Variants in ANK3 observed in about 807,000 individuals in gnomAD.
ANK3 encodes ankyrin-3.
Under a neutral mutation model 370.9 loss-of-function variants are expected in ANK3, and 57 were observed. The ratio of observed to expected loss-of-function variants is 0.15; its 90% confidence interval spans 0.12 to 0.19. ANK3 has a LOEUF of 0.19. ANK3 is among the 10% of genes least tolerant of loss of function. The probability of loss-of-function intolerance (pLI) is 1.00; values close to 1 mark genes in which losing one functional copy is unlikely to be tolerated. For missense variants in ANK3, 4,439 were observed against 5,302.1 expected, an observed-to-expected ratio of 0.84 and a Z score of 5.06; for synonymous variants, 1,929 against 1,946.3, an observed-to-expected ratio of 0.99 and a Z score of 0.23.
rs76361877 is a variant in ANK3 at position 60,388,560 on chromosome 10, G to T, written c.114+865C>A. Among the ~76,000 whole-genome samples the T allele has an allele frequency of 2.6e-3, 403 of 152,178 alleles. 1 individual carries two copies. Among genetic ancestry groups the T allele is most frequent in the African/African-American group, 9.3e-3 (386 of 41,534 alleles). ...ATTATCATGGAGGAAAAGTGCTTTG[G>T]GGTCTTACTCCCAGCTCAGTACCTA... On this transcript the variant is annotated intron_variant, in intron 1 of 43. Coordinates refer to ENST00000280772, the MANE Select transcript of ANK3 (RefSeq NM_020987.5).
chr10:60,169,254 G>T (rs545725027), intron 21 of ANK3, among the ~76,000 whole-genome samples: 1 of 151,674 alleles, frequency 6.6e-6, no homozygotes, highest in Non-Finnish European at 1.5e-5. Flanking sequence ...GGTATGAGAG[G>T]GTATCTCATT....
intron 1 of ANK3, among the ~76,000 whole-genome samples, chr10:60,730,376 T>A (rs2080004633): frequency 6.6e-6 from 1 of 152,152 alleles, no homozygotes; most frequent in Non-Finnish European, 1.5e-5. Context: ...AGGGCTGGTC[T>A]CGAACTCCTG....
intron 4 of ANK3, among the ~76,000 whole-genome samples, chr10:60,271,897 G>T (rs1212772537): frequency 6.6e-6 from 1 of 150,474 alleles, no homozygotes; most frequent in Non-Finnish European, 1.5e-5. Context: ...AACAAGTTAG[G>T]TGATCTAGTT....
chr10:60,050,701 G>A (rs568134971), intron 42 of ANK3: 1 of 152,140 alleles, frequency 6.6e-6, no homozygotes, highest in African/African-American at 2.4e-5. Context: ...ACTACAAGAA[G>A]CATTCTGTGG....
At chr10:60,479,441 T>C (rs1309007431) in intron 2 of ANK3, among the ~76,000 whole-genome samples, 1 of 152,138 alleles carries the variant, frequency 6.6e-6, no homozygotes, top group Non-Finnish European at 1.5e-5. Flanking sequence ...ATAAGTACAC[T>C]CTGTGATATT....
At chr10:60,475,855 C>T (rs1437503877) in intron 2 of ANK3, among the ~76,000 whole-genome samples, 1 of 152,062 alleles carries the variant, frequency 6.6e-6, no homozygotes, top group Non-Finnish European at 1.5e-5. Flanking sequence ...TCTGAAGCAG[C>T]CAAGATACAC....
intron 25 of ANK3, among the ~76,000 whole-genome samples, chr10:60,126,446 G>A (rs1440346476): frequency 6.6e-6 from 1 of 152,186 alleles, no homozygotes; most frequent in Non-Finnish European, 1.5e-5. Flanking sequence ...AGCACTTTGG[G>A]AGGCAGAGGC....
chr10:60,693,271 C>T (rs924685356), intron 1 of ANK3, among the ~76,000 whole-genome samples: 2 of 152,224 alleles, frequency 1.3e-5, no homozygotes, highest in Non-Finnish European at 2.9e-5. Flanking sequence ...CGGAGTCTCG[C>T]TGATTGCTAG....
chr10:60,271,307 C>T (rs1325207458), intron 4 of ANK3, among the ~76,000 whole-genome samples: 2 of 152,018 alleles, frequency 1.3e-5, no homozygotes, highest in East Asian at 1.9e-4. Context: ...TGGGCTCAAA[C>T]GATCCTTCTG....
chr10:60,075,732 T>C lies in ANK3; in HGVS notation c.5149A>G (p.Asn1717Asp), dbSNP rs764097815. 5 of 1,614,036 alleles carry C rather than the reference T, an allele frequency of 3.1e-6. No homozygotes were observed. The highest frequency in any genetic ancestry group is 4.2e-6 in the Non-Finnish European group (5 of 1,180,012). ...MPGHAEVALV[N>D]GSISPLKYPS... is the part of the protein sequence containing the mutation. ...TATTTTAGAGGGGAAATAGATCCAT[T>C]GACTAATGCTACCTCTGCATGTCCA... Residue 1717 changes from asparagine (N) to aspartate (D), a missense_variant, in exon 37 of 44, where the codon AAT becomes GAT. Asn to Asp is a conservative substitution (Grantham distance 23). Coordinates refer to ENST00000280772, the MANE Select transcript of ANK3 (RefSeq NM_020987.5).
At chr10:60,283,899 A>G (rs1212304632) in intron 1 of ANK3, among the ~76,000 whole-genome samples, 4 of 152,196 alleles carry the variant, frequency 2.6e-5, no homozygotes, top group Non-Finnish European at 5.9e-5. Flanking sequence ...TATTAATTTT[A>G]TAAGTCCTTA....
intron 1 of ANK3, among the ~76,000 whole-genome samples, chr10:60,679,892 T>G (rs1282630931): frequency 6.6e-6 from 1 of 152,004 alleles, no homozygotes. Flanking sequence ...TCCCAGCACT[T>G]TGGGAGGCTG....
chr10:60,284,768 C>T (rs72822218), intron 1 of ANK3, among the ~76,000 whole-genome samples: 2,932 of 152,022 alleles, frequency 0.019, 35 homozygotes, highest in South Asian at 0.035. Context: ...CATAACATAG[C>T]TCTGCTCCTT....
chr10:60,318,171 T>C (rs2047870957), intron 1 of ANK3, among the ~76,000 whole-genome samples: 1 of 152,192 alleles, frequency 6.6e-6, no homozygotes, highest in East Asian at 1.9e-4. Context: ...ATGTGTGCCA[T>C]GGTGGTTTGC....
intron 1 of ANK3, among the ~76,000 whole-genome samples, chr10:60,346,810 T>C (rs1312280983): frequency 6.6e-6 from 1 of 152,050 alleles, no homozygotes; most frequent in African/African-American, 2.4e-5. Flanking sequence ...TACAGACTTA[T>C]TCTTCTGGAA....
chr10:60,421,367 A>G (rs2063775397), intron 2 of ANK3, among the ~76,000 whole-genome samples: 1 of 152,056 alleles, frequency 6.6e-6, no homozygotes, highest in South Asian at 2.1e-4. Context: ...AGTGGAGAAA[A>G]AAGGGAAAGT....
intron 9 of ANK3, among the ~76,000 whole-genome samples, chr10:60,210,037 G>A (rs544022456): frequency 3.3e-5 from 5 of 152,274 alleles, no homozygotes; most frequent in African/African-American, 1.2e-4. Flanking sequence ...TCTTAGCTCA[G>A]TAAGATGAAA....
chr10:60,409,745 G>C (rs1227842266), intron 2 of ANK3, among the ~76,000 whole-genome samples: 3 of 152,032 alleles, frequency 2.0e-5, no homozygotes, highest in African/African-American at 7.2e-5. Flanking sequence ...TCACAGCCTA[G>C]ACCCCTCCTC....
At chr10:60,046,308 T>C (rs2076952551) in intron 42 of ANK3, among the ~76,000 whole-genome samples, 1 of 152,198 alleles carries the variant, frequency 6.6e-6, no homozygotes, top group Non-Finnish European at 1.5e-5. Flanking sequence ...AATGAAAGTT[T>C]TCCTTATAGC....
Sources: allele counts gnomAD v4.1 joint callset (sites outside exome capture counted in the v4.1 genomes callset), GRCh38; gene constraint gnomAD v4.1.1; transcripts MANE v1.5; gene names NCBI Gene and HGNC (gene_info 2026-07-23, HGNC 2026-07-21).